PSMA1: variants seen among roughly 807,000 people sequenced by gnomAD.
PSMA1 encodes the protein proteasome subunit alpha type-1.
In PSMA1, 3 loss-of-function variants were observed where a neutral mutation model predicts 38.4. The ratio of observed to expected loss-of-function variants is 0.08; its 90% CI spans 0.04 to 0.20. The LOEUF is 0.20. Ranked by LOEUF, PSMA1 falls within the 10% of genes least tolerant of loss-of-function variation. The pLI is 1.00. For synonymous variants in PSMA1, 101 were observed against 107.1 expected (o/e 0.94, Z 0.35); for missense variants, 227 against 325.3 (o/e 0.70, Z 2.32).
intron 1 of PSMA1, among the ~76,000 whole-genome samples, chr11:14,633,894 C>T (rs900897754): frequency 6.6e-6 from 1 of 152,094 alleles, no homozygotes; most frequent in Non-Finnish European, 1.5e-5. Context: ...GGGAGTGACC[C>T]GATTTTCCAG....
chr11:14,565,167 AT>A (rs1315839323), intron 2 of PSMA1, among the ~76,000 whole-genome samples: 1 of 152,140 alleles, frequency 6.6e-6, no homozygotes, highest in Admixed American at 6.6e-5. Flanking sequence ...AAGTTGTCAA[AT>A]TTATGTGTAT....
chr11:14,603,213 A>C (rs867261598), intron 2 of PSMA1, among the ~76,000 whole-genome samples: 4 of 152,220 alleles, frequency 2.6e-5, no homozygotes, highest in African/African-American at 9.6e-5. Flanking sequence ...TGAGTAAGGA[A>C]GGAGAAGTAA....
At chr11:14,539,489 AG>A (rs201148536) in intron 2 of PSMA1, among the ~76,000 whole-genome samples, 2,761 of 152,274 alleles carry the variant, frequency 0.018, 84 homozygotes, top group African/African-American at 0.063. Flanking sequence ...AAGGAAAAAA[AG>A]GAAGAAAAAA....
At chr11:14,568,363 T>C (rs1475437662) in intron 2 of PSMA1, among the ~76,000 whole-genome samples, 1 of 152,222 alleles carries the variant, frequency 6.6e-6, no homozygotes, top group Non-Finnish European at 1.5e-5. Flanking sequence ...TGTTGCCCAG[T>C]TGGAAAATCA....
At chr11:14,536,561 A>C (rs1180720829) in intron 2 of PSMA1, among the ~76,000 whole-genome samples, 2 of 151,594 alleles carry the variant, frequency 1.3e-5, no homozygotes, top group African/African-American at 2.4e-5. Context: ...AAACAAAAAA[A>C]CTCAGATATT....
intron 2 of PSMA1, chr11:14,610,934 T>C (rs761959187): frequency 1.3e-5 from 21 of 1,606,338 alleles, no homozygotes; most frequent in East Asian, 4.5e-5. Flanking sequence ...CTATGCATTC[T>C]GTGTTTTATC....
At position 14,636,230 on chromosome 11, in the gene PSMA1, G is replaced by A. The variant is rs191165284; in HGVS notation, c.-166+7225C>T. Among the ~76,000 whole-genome samples the A allele has an allele frequency of 3.9e-5, 6 of 152,190 alleles. No individual in the cohort carries two copies. In the East Asian group the frequency reaches 9.7e-4, roughly 25 times the overall value. On this transcript the variant is annotated intron_variant, in intron 1 of 10. Coordinates refer to the PSMA1 transcript ENST00000418988. Reference sequence around the variant, plus strand: ...GGTTTCTGCCCCAACTGTGGCAACTGTTCCACATAAGGTTGACAATGAAAC... The same window carrying A: ...GGTTTCTGCCCCAACTGTGGCAACTATTCCACATAAGGTTGACAATGAAAC...
chr11:14,535,317 A>G (rs1041593850), intron 2 of PSMA1, among the ~76,000 whole-genome samples: 3 of 152,166 alleles, frequency 2.0e-5, no homozygotes, highest in Non-Finnish European at 4.4e-5. Flanking sequence ...TACAAAAGCC[A>G]TGGCACACTT....
intron 1 of PSMA1, among the ~76,000 whole-genome samples, chr11:14,615,884 T>C (rs1035263735): frequency 1.7e-4 from 26 of 152,114 alleles, no homozygotes; most frequent in African/African-American, 6.0e-4. Flanking sequence ...AGCCTTCTCT[T>C]CCTAGGAGGG....
intron 2 of PSMA1, among the ~76,000 whole-genome samples, chr11:14,552,819 ACT>A (rs1491501344): frequency 1.1e-4 from 16 of 140,082 alleles, no homozygotes; most frequent in African/African-American, 4.4e-4. Context: ...AGCTTATATA[ACT>A]TTTTTTTTTT....
intron 2 of PSMA1, among the ~76,000 whole-genome samples, chr11:14,557,759 CT>C (rs1851957100): frequency 6.6e-6 from 1 of 152,120 alleles, no homozygotes; most frequent in Non-Finnish European, 1.5e-5. Context: ...AACCTTCAGG[CT>C]TTTTCCTGGG....
intron 1 of PSMA1, among the ~76,000 whole-genome samples, chr11:14,611,620 C>T (rs534733631): frequency 3.5e-4 from 54 of 152,236 alleles, no homozygotes; most frequent in South Asian, 1.2e-3. Flanking sequence ...GATATGGAAC[C>T]GGCCTCTTGA....
chr11:14,637,470 G>C (rs970728600), intron 1 of PSMA1, among the ~76,000 whole-genome samples: 4 of 152,080 alleles, frequency 2.6e-5, no homozygotes, highest in African/African-American at 7.2e-5. Context: ...ATTCATATTT[G>C]TACCTTTAGT....
chr11:14,516,690 C>T (rs1426947568), intron 4 of PSMA1, among the ~76,000 whole-genome samples: 1 of 152,128 alleles, frequency 6.6e-6, no homozygotes, highest in East Asian at 1.9e-4. Flanking sequence ...CTTTGGGAGG[C>T]TGAGGTGGGC....
intron 2 of PSMA1, among the ~76,000 whole-genome samples, chr11:14,556,270 T>C (rs1851940241): frequency 1.3e-5 from 2 of 152,222 alleles, no homozygotes; most frequent in Admixed American, 1.3e-4. Flanking sequence ...GCATTGCACT[T>C]GAGTGAAAGT....
chr11:14,523,871 C>T (rs923416582), upstream of PSMA1, among the ~76,000 whole-genome samples: 8 of 151,826 alleles, frequency 5.3e-5, no homozygotes, highest in Non-Finnish European at 1.2e-4. Flanking sequence ...GCATGAGCTA[C>T]CATGCCCGGC....
chr11:14,603,563 T>G (rs529179981), intron 2 of PSMA1, among the ~76,000 whole-genome samples: 197 of 152,328 alleles, frequency 1.3e-3, no homozygotes, highest in South Asian at 6.2e-3. Context: ...TGTGCTGAAT[T>G]TTCCTGTTAT....
At chr11:14,556,499 T>C (rs1851942292) in intron 2 of PSMA1, among the ~76,000 whole-genome samples, 1 of 152,172 alleles carries the variant, frequency 6.6e-6, no homozygotes, top group South Asian at 2.1e-4. Context: ...TCCTTTTTCA[T>C]TCTGTATGAG....
intron 1 of PSMA1, 59 bp downstream of exon 1, chr11:14,520,238 T>A: frequency 6.2e-7 from 1 of 1,610,890 alleles, no homozygotes; most frequent in Non-Finnish European, 8.5e-7. Context: ...AGGTGGCTCG[T>A]CATCCCCCAG....
Sources: gnomAD v4.1 joint callset for allele counts (sites outside exome capture counted in the v4.1 genomes callset) on GRCh38, gnomAD v4.1.1 for gene constraint, MANE v1.5 for transcripts, NCBI Gene and HGNC (gene_info 2026-07-23, HGNC 2026-07-21) for gene names.